The following MDGA2 variants were observed in gnomAD, a reference collection of about 807,000 sequenced individuals.
The protein encoded by MDGA2 is MAM domain-containing glycosylphosphatidylinositol anchor protein 2.
A neutral mutation model predicts 117.8 loss-of-function variants in MDGA2; 40 were observed. That is an observed-to-expected ratio of 0.34 (90% CI 0.26 to 0.44). The LOEUF (loss-of-function observed/expected upper bound fraction) is 0.44, where lower values mean the gene tolerates loss of function less well. MDGA2 is among the 20% of genes least tolerant of loss of function. The pLI, the probability that MDGA2 is intolerant of heterozygous loss-of-function variation, is 1.00. For synonymous variants in MDGA2, 452 were observed against 439.0 expected (o/e 1.03, Z -0.37); for missense variants, 1,123 against 1,250.6 (o/e 0.90, Z 1.54).
chr14:47,405,915 A>G (rs1309206337), intron 1 of MDGA2, among the ~76,000 whole-genome samples: 1 of 152,222 alleles, frequency 6.6e-6, no homozygotes, highest in Non-Finnish European at 1.5e-5. Context: ...TAATATTTGA[A>G]TAAAAGAGAA....
chr14:47,545,961 T>C (rs1895454668), intron 1 of MDGA2, among the ~76,000 whole-genome samples: 1 of 152,140 alleles, frequency 6.6e-6, no homozygotes. Flanking sequence ...TGCTAAGCAC[T>C]TTTGGGAAAC....
chr14:46,881,041 CAA>C (rs1491170145), intron 11 of MDGA2, among the ~76,000 whole-genome samples: 18 of 142,496 alleles, frequency 1.3e-4, no homozygotes, highest in Admixed American at 1.1e-3. Flanking sequence ...CACACACACA[CAA>C]ACATTTAGCA....
chr14:47,069,174 C>G (rs2138828224), intron 6 of MDGA2, among the ~76,000 whole-genome samples: 1 of 152,306 alleles, frequency 6.6e-6, no homozygotes, highest in South Asian at 2.1e-4. Context: ...ACTTTATGTG[C>G]TGGGTTTCAC....
chr14:47,546,047 T>C (rs1309204112), intron 1 of MDGA2, among the ~76,000 whole-genome samples: 1 of 152,170 alleles, frequency 6.6e-6, no homozygotes, highest in Non-Finnish European at 1.5e-5. Flanking sequence ...AAGTACTGTA[T>C]TTAGGAGAAA....
chr14:46,955,046 T>G (rs1046787238), intron 9 of MDGA2, among the ~76,000 whole-genome samples: 2 of 152,024 alleles, frequency 1.3e-5, no homozygotes, highest in Non-Finnish European at 2.9e-5. Flanking sequence ...CATGAAAAAA[T>G]AAGCCCAGAT....
intron 10 of MDGA2, among the ~76,000 whole-genome samples, chr14:46,918,908 C>A (rs968911698): frequency 1.3e-5 from 2 of 151,852 alleles, no homozygotes; most frequent in African/African-American, 4.8e-5. Context: ...ACTACAGGCG[C>A]CCGTCAACAT....
At chr14:47,453,105 T>C (rs1893275394) in intron 1 of MDGA2, among the ~76,000 whole-genome samples, 1 of 152,092 alleles carries the variant, frequency 6.6e-6, no homozygotes, top group Non-Finnish European at 1.5e-5. Context: ...TCATATGGTC[T>C]GGCTCTGTAA....
At chr14:47,527,149 T>A (rs1894988554) in intron 1 of MDGA2, among the ~76,000 whole-genome samples, 1 of 152,076 alleles carries the variant, frequency 6.6e-6, no homozygotes, top group Admixed American at 6.6e-5. Context: ...TACGGGAGAG[T>A]CAAACAGGGT....
chr14:47,626,107 C>T (rs1053424595), intron 1 of MDGA2, among the ~76,000 whole-genome samples: 2 of 152,184 alleles, frequency 1.3e-5, no homozygotes, highest in Non-Finnish European at 2.9e-5. Context: ...TGATTAGATG[C>T]CCTCTTGGGT....
intron 6 of MDGA2, among the ~76,000 whole-genome samples, chr14:47,067,318 A>C (rs796303611): frequency 3.5e-4 from 54 of 152,330 alleles, no homozygotes; most frequent in African/African-American, 1.3e-3. Context: ...AAAGTTTGGG[A>C]AACAATGACC....
chr14:46,896,678 TTTTC>T (rs1260410691), intron 10 of MDGA2, among the ~76,000 whole-genome samples: 2 of 152,066 alleles, frequency 1.3e-5, no homozygotes, highest in African/African-American at 4.8e-5. Flanking sequence ...TCTCTATACG[TTTTC>T]TTTGAGTCTT....
At chr14:47,605,045 G>C (rs1371859413) in intron 1 of MDGA2, among the ~76,000 whole-genome samples, 1 of 151,354 alleles carries the variant, frequency 6.6e-6, no homozygotes, top group East Asian at 1.9e-4. Context: ...ATAACTGAAA[G>C]ACTCCATTTT....
At chr14:47,115,832 C>T (rs1477946294) in intron 5 of MDGA2, among the ~76,000 whole-genome samples, 1 of 151,934 alleles carries the variant, frequency 6.6e-6, no homozygotes, top group African/African-American at 2.4e-5. Context: ...ATAACATATT[C>T]AGTGTGAAAA....
intron 1 of MDGA2, among the ~76,000 whole-genome samples, chr14:47,407,854 G>A (rs532646937): frequency 1.2e-4 from 18 of 152,192 alleles, no homozygotes; most frequent in Admixed American, 8.5e-4. Flanking sequence ...AACAAAACAG[G>A]TGCAGATTCT....
intron 1 of MDGA2, among the ~76,000 whole-genome samples, chr14:47,519,298 G>A (rs2138709525): frequency 6.6e-6 from 1 of 152,164 alleles, no homozygotes; most frequent in South Asian, 2.1e-4. Context: ...TATATTTCAT[G>A]CATACCTACA....
intron 8 of MDGA2, among the ~76,000 whole-genome samples, chr14:47,019,671 G>A (rs1049607213): frequency 2.0e-5 from 3 of 151,798 alleles, no homozygotes; most frequent in African/African-American, 4.8e-5. Flanking sequence ...GTGAAACCGC[G>A]TCTCCACTAA....
intron 3 of MDGA2, among the ~76,000 whole-genome samples, chr14:47,166,273 A>G (rs1048404021): frequency 2.0e-5 from 3 of 152,106 alleles, no homozygotes; most frequent in Admixed American, 2.0e-4. Flanking sequence ...AGACCTCGTG[A>G]TCTGCCTGCC....
Position 46,873,124 on chromosome 14 carries a change from A to C in MDGA2, c.2752+309T>G, listed in dbSNP as rs535089896. 9.9e-5 allele frequency among the ~76,000 whole-genome samples: 15 copies of C among 152,080 alleles called. No individual in the cohort carries two copies. In the South Asian group the frequency reaches 3.1e-3, roughly 31 times the overall value. On this transcript the variant is annotated intron_variant, in intron 14 of 16. Transcript: ENST00000399232. ...TCACTGTCGAAGCATGTTTCTTCGG[A>C]AAGAAGCAGCCTAAATTATGCTGTG...
At position 47,414,245 on chromosome 14, in the gene MDGA2, C is replaced by T. The variant is rs535926494; in HGVS notation, c.281-112695G>A. Among the ~76,000 whole-genome samples, 60 of 152,230 alleles carry T rather than the reference C, an allele frequency of 3.9e-4. No homozygotes were observed. The South Asian group carries it at 7.5e-3, about 19-fold the overall frequency. ...TGAACATTGCAGATAAGAGCACTGA[C>T]TAGAAATAAGCAGCACCTTGTTATA... On this transcript the variant is annotated intron_variant, in intron 1 of 16. Transcript: ENST00000399232.
Sources: allele counts gnomAD v4.1 joint callset (sites outside exome capture counted in the v4.1 genomes callset), GRCh38; gene constraint gnomAD v4.1.1; transcripts MANE v1.5; gene names NCBI Gene and HGNC (gene_info 2026-07-23, HGNC 2026-07-21).